Variants in THSD4 observed in about 807,000 individuals in gnomAD.
THSD4 encodes the protein thrombospondin type 1 domain containing 4, also known as thrombospondin type-1 domain-containing protein 4.
A neutral mutation model predicts 119.0 loss-of-function variants in THSD4; 69 were observed. The ratio of observed to expected loss-of-function variants is 0.58; its 90% CI spans 0.48 to 0.71. The LOEUF (loss-of-function observed/expected upper bound fraction) is 0.71, where lower values mean the gene tolerates loss of function less well. Ranked by LOEUF, THSD4 falls within the 30% of genes least tolerant of loss-of-function variation. THSD4 has a pLI of 0.00. For synonymous variants in THSD4, 524 were observed against 540.4 expected (o/e 0.97, Z 0.42); for missense variants, 1,393 against 1,391.1 (o/e 1.00, Z -0.02).
chr15:71,293,651 G>C (rs2044823083), intron 6 of THSD4, among the ~76,000 whole-genome samples: 1 of 152,126 alleles, frequency 6.6e-6, no homozygotes. Context: ...ATGAATGTTT[G>C]CAACTTACAC....
chr15:71,215,994 T>C (rs913850277), intron 4 of THSD4, among the ~76,000 whole-genome samples: 25 of 152,202 alleles, frequency 1.6e-4, no homozygotes, highest in African/African-American at 5.5e-4. Flanking sequence ...ACTCTAGAAA[T>C]GGCATAGTGT....
chr15:71,105,415 G>T (rs968029071), intron 1 of THSD4, among the ~76,000 whole-genome samples: 4 of 152,152 alleles, frequency 2.6e-5, no homozygotes, highest in African/African-American at 9.7e-5. Flanking sequence ...AGTTTTCATA[G>T]AATTTAATTT....
chr15:71,534,667 C>A (rs1284026423), intron 7 of THSD4, among the ~76,000 whole-genome samples: 1 of 151,830 alleles, frequency 6.6e-6, no homozygotes, highest in Non-Finnish European at 1.5e-5. Flanking sequence ...CATTTTATGG[C>A]CTACTTTTTA....
At chr15:71,118,117 G>A (rs972603864) in intron 1 of THSD4, among the ~76,000 whole-genome samples, 8 of 152,076 alleles carry the variant, frequency 5.3e-5, no homozygotes, top group African/African-American at 1.9e-4. Context: ...GGGGAGGGAG[G>A]ACAGGCCAAG....
At chr15:71,532,283 A>AGAGAGAGAGAGT (rs1379506089) in intron 7 of THSD4, among the ~76,000 whole-genome samples, 95 of 101,646 alleles carry the variant, frequency 9.3e-4, no homozygotes, top group Non-Finnish European at 1.6e-3. Flanking sequence ...AGAGAGAGAG[A>AGAGAGAGAGAGT]GTGTGTGTGT....
chr15:71,263,346 T>TATATATATATATATATATATATATAC (rs937302953), intron 6 of THSD4, among the ~76,000 whole-genome samples: 1 of 150,764 alleles, frequency 6.6e-6, no homozygotes, highest in Non-Finnish European at 1.5e-5. Context: ...TATATATATA[T>TATATATATATATATATATATATATAC]ACGACATTTT....
chr15:71,508,242 A>G (rs2048223112), intron 7 of THSD4, among the ~76,000 whole-genome samples: 1 of 152,142 alleles, frequency 6.6e-6, no homozygotes, highest in African/African-American at 2.4e-5. Flanking sequence ...GCCCTGGGTT[A>G]AGCCACATCA....
intron 8 of THSD4, among the ~76,000 whole-genome samples, chr15:71,680,563 C>G (rs2141029228): frequency 6.6e-6 from 1 of 152,326 alleles, no homozygotes. Context: ...CTAGGTCCTC[C>G]TTAACTTACA....
intron 3 of THSD4, among the ~76,000 whole-genome samples, chr15:71,190,073 C>A (rs569615473): frequency 3.3e-5 from 5 of 152,272 alleles, no homozygotes; most frequent in African/African-American, 7.2e-5. Flanking sequence ...TATGAGCCAT[C>A]CCCCCTTCCT....
rs1467181805 is a variant in THSD4, at chr15:71,419,336, G to C, written c.1152+7513G>C. On this transcript the variant is annotated intron_variant, in intron 7 of 17. Coordinates refer to ENST00000261862, the MANE Select transcript of THSD4 (RefSeq NM_024817.3). ...CCCAGCTCAGCCTCCTGGGTAGCTGGAATAACAGGTGCACGCCACCACATC... is the reference window on the plus strand; with the variant it reads ...CCCAGCTCAGCCTCCTGGGTAGCTGCAATAACAGGTGCACGCCACCACATC... Among the ~76,000 whole-genome samples, 2 of 105,438 alleles carry C rather than the reference G, an allele frequency of 1.9e-5. 1 individual carries two copies. The highest frequency in any genetic ancestry group is 6.2e-4 in the East Asian group (2 of 3,208). 69.2% of individuals were successfully genotyped at this position (105,438 alleles called of 152,430 possible).
At chr15:71,285,853 C>CAAAAAA (rs11421766) in intron 6 of THSD4, among the ~76,000 whole-genome samples, 13 of 67,390 alleles carry the variant, frequency 1.9e-4, no homozygotes, top group South Asian at 9.7e-4. Flanking sequence ...GACTCCGTCT[C>CAAAAAA]AAAAAAAAAA....
rs1453963139 is a variant in THSD4, at chr15:71,637,051, A to AT, written c.1153-23472dup. On this transcript the variant is annotated intron_variant, in intron 7 of 17. Transcript: ENST00000261862. ...AGGCACACGCCACCATACCCAGCTG[A>AT]TTTTTTTGTATTTTTGGTAGAGACG... is the stretch of plus-strand genomic sequence containing the variant. Among the ~76,000 whole-genome samples, 7 of 151,836 alleles carry AT rather than the reference A, an allele frequency of 4.6e-5. No individual in the cohort carries two copies. The East Asian group carries it at 5.8e-4, about 13-fold the overall frequency.
intron 6 of THSD4, among the ~76,000 whole-genome samples, chr15:71,376,283 G>C (rs558642519): frequency 6.6e-6 from 1 of 152,262 alleles, no homozygotes; most frequent in Admixed American, 6.5e-5. Flanking sequence ...CTGGCTGCAG[G>C]CTCTCTTCTG....
chr15:71,457,000 C>T (rs953594816), intron 7 of THSD4, among the ~76,000 whole-genome samples: 5 of 152,238 alleles, frequency 3.3e-5, no homozygotes, highest in African/African-American at 1.2e-4. Context: ...AACTTTGTCT[C>T]ATTGAGAGAA....
At chr15:71,504,219 C>G (rs975644501) in intron 7 of THSD4, among the ~76,000 whole-genome samples, 4 of 152,166 alleles carry the variant, frequency 2.6e-5, no homozygotes, top group Admixed American at 6.5e-5. Context: ...GGCTGGGACT[C>G]CAAATCACCA....
At chr15:71,112,648 G>A (rs1007347411), upstream of THSD4, among the ~76,000 whole-genome samples, 10 of 152,300 alleles carry the variant, frequency 6.6e-5, no homozygotes, top group East Asian at 1.7e-3. Flanking sequence ...CCCAGCCTAG[G>A]TAAGCACAGG....
At chr15:71,136,892 T>A (rs969115436) in intron 1 of THSD4, among the ~76,000 whole-genome samples, 1 of 152,128 alleles carries the variant, frequency 6.6e-6, no homozygotes, top group Non-Finnish European at 1.5e-5. Context: ...CAGCATGGCA[T>A]CCCTTCGGCT....
intron 5 of THSD4, among the ~76,000 whole-genome samples, chr15:71,248,838 G>C (rs570050380): frequency 6.6e-6 from 1 of 152,284 alleles, no homozygotes; most frequent in African/African-American, 2.4e-5. Flanking sequence ...CTTCCTGACT[G>C]CAATTTTAAG....
intron 4 of THSD4, among the ~76,000 whole-genome samples, chr15:71,225,368 A>C (rs2044007278): frequency 6.6e-6 from 1 of 152,082 alleles, no homozygotes; most frequent in Non-Finnish European, 1.5e-5. Context: ...GAGTTTCTAC[A>C]TTCATAAAAT....
Sources: gnomAD v4.1 joint callset for allele counts (sites outside exome capture counted in the v4.1 genomes callset) on GRCh38, gnomAD v4.1.1 for gene constraint, MANE v1.5 for transcripts, NCBI Gene and HGNC (gene_info 2026-07-23, HGNC 2026-07-21) for gene names.